SLC51B: variants seen among roughly 807,000 people sequenced by gnomAD.
SLC51B encodes organic solute transporter subunit beta.
A neutral mutation model predicts 8.0 loss-of-function variants in SLC51B; 6 were observed. The observed-to-expected ratio is 0.75, with a 90% CI of 0.41 to 1.48. SLC51B has a LOEUF of 1.48. Ranked by LOEUF, SLC51B falls within the 40% of genes most tolerant of loss-of-function variation. SLC51B has a pLI of 0.01. For missense variants in SLC51B, 150 were observed against 149.7 expected (o/e 1.00, Z -0.01); for synonymous variants, 61 against 54.8 (o/e 1.11, Z -0.50).
chr15:65,048,180 CAAAAGAAAAA>C (rs66742505), intron 1 of SLC51B, among the ~76,000 whole-genome samples: 12 of 60,762 alleles, frequency 2.0e-4, no homozygotes, highest in East Asian at 2.0e-3. Flanking sequence ...GACTCCGTCT[CAAAAGAAAAA>C]AAAAGAAAAA....
chr15:65,049,730 G>C (rs534271133), intron 1 of SLC51B, 167 bp from the exon 2 acceptor site: 6 of 310,354 alleles, frequency 1.9e-5, no homozygotes, highest in Non-Finnish European at 3.6e-5. Flanking sequence ...ATAAATATTT[G>C]AGTCACTCCC....
chr15:65,052,339 G>A (rs1032043567), intron 3 of SLC51B, among the ~76,000 whole-genome samples: 87 of 148,442 alleles, frequency 5.9e-4, no homozygotes, highest in Non-Finnish European at 1.1e-3. Flanking sequence ...TAGGTGAAAA[G>A]AACACAGGAT....
chr15:65,047,780 A>AGATC, intron 1 of SLC51B, among the ~76,000 whole-genome samples: 1 of 138,152 alleles, frequency 7.2e-6, no homozygotes, highest in African/African-American at 2.8e-5. Flanking sequence ...ATAGATAGAC[A>AGATC]GATAGATCGA....
At chr15:65,046,777 G>A (rs1050785604) in intron 1 of SLC51B, among the ~76,000 whole-genome samples, 1 of 152,086 alleles carries the variant, frequency 6.6e-6, no homozygotes, top group Admixed American at 6.5e-5. Flanking sequence ...GCCGGGCGTG[G>A]TGGCACATGC....
At chr15:65,050,833 CTTCTTTT>C (rs931942213) in intron 2 of SLC51B, among the ~76,000 whole-genome samples, 1 of 88,602 alleles carries the variant, frequency 1.1e-5, no homozygotes, top group African/African-American at 4.5e-5. Context: ...TCTTCTTCTT[CTTCTTTT>C]TTTTTTTTTT....
At chr15:65,052,356 G>A (rs1009852119) in intron 3 of SLC51B, among the ~76,000 whole-genome samples, 1 of 150,706 alleles carries the variant, frequency 6.6e-6, no homozygotes, top group African/African-American at 2.4e-5. Context: ...GGATTCAAGA[G>A]TCAGGAGGCT....
chr15:65,045,719 T>G (rs576783447), intron 1 of SLC51B, 137 bp downstream of exon 1: 1 of 152,236 alleles, frequency 6.6e-6, no homozygotes, highest in African/African-American at 2.4e-5. Flanking sequence ...GACAACTAAA[T>G]GCAGTATGAC....
chr15:65,053,397 A>G lies in SLC51B; in HGVS notation c.*233A>G. ...CCTGGAAGGGAGCAGGTGGTATTGCATAGTTTGTTCAGATGGCAGTGGTAC... is the reference window on the plus strand; with the variant it reads ...CCTGGAAGGGAGCAGGTGGTATTGCGTAGTTTGTTCAGATGGCAGTGGTAC... On this transcript the variant is annotated 3_prime_UTR_variant, in exon 4 of 4. Transcript: ENST00000334287. 2 of 1,348,328 alleles carry G rather than the reference A, an allele frequency of 1.5e-6. No individual in the cohort carries two copies. Among genetic ancestry groups the G allele is most frequent in the South Asian group, 3.3e-5 (2 of 61,396 alleles). The allele number at this position is 1,348,328 out of a possible 1,614,324, so 83.5% of individuals were successfully genotyped here.
chr15:65,049,055 G>T (rs1222739855), intron 1 of SLC51B: 2 of 149,446 alleles, frequency 1.3e-5, no homozygotes, highest in Admixed American at 1.3e-4. Flanking sequence ...TTTTAATATT[G>T]GCCTGAATAA....
chr15:65,052,525 C>A (rs1453716750), intron 3 of SLC51B, among the ~76,000 whole-genome samples: 1 of 150,502 alleles, frequency 6.6e-6, no homozygotes, highest in East Asian at 2.0e-4. Flanking sequence ...TTCAGCCTCC[C>A]AAATAGCTGC....
At chr15:65,046,022 G>C (rs779804368) in intron 1 of SLC51B, among the ~76,000 whole-genome samples, 1 of 152,036 alleles carries the variant, frequency 6.6e-6, no homozygotes, top group Admixed American at 6.6e-5. Context: ...AAAATTGGCC[G>C]GGTGCGGTGG....
intron 1 of SLC51B, among the ~76,000 whole-genome samples, chr15:65,048,699 C>G (rs1482777974): frequency 6.6e-6 from 1 of 152,132 alleles, no homozygotes; most frequent in Non-Finnish European, 1.5e-5. Context: ...GTGTTTAATG[C>G]GTGTCCTTTT....
chr15:65,050,930 T>C (rs1455994882), intron 2 of SLC51B, among the ~76,000 whole-genome samples: 2 of 146,464 alleles, frequency 1.4e-5, no homozygotes. Flanking sequence ...CTGCAAGCTC[T>C]GCCTCCTGGA....
intron 2 of SLC51B, 66 bp from the exon 3 acceptor site, chr15:65,051,449 G>C: frequency 6.7e-7 from 1 of 1,489,534 alleles, no homozygotes; most frequent in Non-Finnish European, 9.4e-7. Flanking sequence ...CCAGGCCCCA[G>C]CTGTTAGCGG....
chr15:65,049,575 G>C (rs1391429941), intron 1 of SLC51B: 1 of 153,296 alleles, frequency 6.5e-6, no homozygotes, highest in Non-Finnish European at 1.5e-5. Flanking sequence ...GCGTGGGCGC[G>C]CTGTGGGCTC....
chr15:65,051,544 C>T lies in SLC51B; in HGVS notation c.127C>T (p.Leu43=). Residue 43 remains leucine (L), a synonymous_variant, in exon 3 of 4, where the codon CTG becomes TTG. Transcript: ENST00000334287. ...TCCCTGGAATCATTCCATCCTTGCC[C>T]TGGCAGCTGTGGTGGTCATTATAAG... The part of the protein sequence containing the change: ...ASPWNHSILA[L]AAVVVIISMV... 1 of 1,613,790 alleles carries T rather than the reference C, an allele frequency of 6.2e-7. No homozygotes were observed. Among genetic ancestry groups the T allele is most frequent in the Non-Finnish European group, 8.5e-7 (1 of 1,179,830 alleles).
rs1215989036 is a variant in SLC51B at position 65,050,120 on chromosome 15, A to G, written c.97+19A>G. 7.8e-6 allele frequency: 12 copies of G among 1,545,852 alleles called. No homozygotes were observed. The East Asian group carries it at 2.9e-4, about 38-fold the overall frequency. On this transcript the variant is annotated intron_variant, in intron 2 of 3. Coordinates refer to ENST00000334287, the MANE Select transcript of SLC51B (RefSeq NM_178859.4). ...GAAGATGGTAAGTGGTGAGAGATTG[A>G]CGGCAGGGGTGGGGGTGTGCCCCTC...
chr15:65,052,547 C>G (rs546006932), intron 3 of SLC51B, among the ~76,000 whole-genome samples: 2 of 152,066 alleles, frequency 1.3e-5, no homozygotes, highest in East Asian at 3.9e-4. Flanking sequence ...ATTACAGGCA[C>G]AACCACACCC....
At chr15:65,047,086 G>A (rs2086585749) in intron 1 of SLC51B, among the ~76,000 whole-genome samples, 1 of 152,156 alleles carries the variant, frequency 6.6e-6, no homozygotes, top group Admixed American at 6.5e-5. Context: ...GCTGGGTGCA[G>A]TGGCTCACAC....
Sources: gnomAD v4.1 joint callset for allele counts (sites outside exome capture counted in the v4.1 genomes callset) on GRCh38, gnomAD v4.1.1 for gene constraint, MANE v1.5 for transcripts, NCBI Gene and HGNC (gene_info 2026-07-23, HGNC 2026-07-21) for gene names.